The following NLRP5 variants were observed in gnomAD, a reference collection of about 807,000 sequenced individuals.
The protein encoded by NLRP5 is NLR family pyrin domain containing 5, also known as NACHT, LRR and PYD domains-containing protein 5.
NLRP5 carries 93 observed loss-of-function variants against 113.1 expected under a neutral mutation model. The ratio of observed to expected loss-of-function variants is 0.82; its 90% CI spans 0.70 to 0.98. The LOEUF is 0.98. Ranked by LOEUF, NLRP5 falls within the 50% of genes least tolerant of loss-of-function variation. The pLI, the probability that NLRP5 is intolerant of heterozygous loss-of-function variation, is 0.00. For synonymous variants in NLRP5, 751 were observed against 600.7 expected, an observed-to-expected ratio of 1.25 and a Z score of -3.66; for missense variants, 1,808 against 1,514.3, an observed-to-expected ratio of 1.19 and a Z score of -3.22.
intron 7 of NLRP5, among the ~76,000 whole-genome samples, chr19:56,029,447 G>A (rs1418473642): frequency 2.0e-5 from 3 of 151,438 alleles, no homozygotes; most frequent in Non-Finnish European, 2.9e-5. Flanking sequence ...TGTATTTTTA[G>A]TAGAGACAGG....
At chr19:55,994,859 C>T (rs1470699082), upstream of NLRP5, among the ~76,000 whole-genome samples, 2 of 152,118 alleles carry the variant, frequency 1.3e-5, no homozygotes, top group African/African-American at 2.4e-5. Context: ...CCTATGTTTT[C>T]TTCTGGTAGT....
the NLRP5 span, among the ~76,000 whole-genome samples, chr19:55,993,023 A>G: frequency 1.3e-5 from 2 of 151,630 alleles, no homozygotes; most frequent in Non-Finnish European, 2.9e-5. Context: ...CTAATTTTGT[A>G]TTTTTAGTAG....
chr19:56,057,662 A>C (rs1280424902), intron 13 of NLRP5, among the ~76,000 whole-genome samples: 1 of 152,142 alleles, frequency 6.6e-6, no homozygotes, highest in South Asian at 2.1e-4. Flanking sequence ...CCACAACTAT[A>C]ATTTGAGTTA....
Position 56,049,831 on chromosome 19 carries a change from A to G in NLRP5, c.2958-587A>G, listed in dbSNP as rs376799867. 1.4e-4 allele frequency among the ~76,000 whole-genome samples: 21 copies of G among 151,752 alleles called. No homozygotes were observed. In the East Asian group the frequency reaches 4.1e-3, roughly 30 times the overall value. The stretch of plus-strand genomic sequence containing the variant: ...ATTAGCTTAATAACTAAGCTCCTGT[A>G]TTTTTTCAGGAAATTCGAGGATGTC... On this transcript the variant is annotated intron_variant, in intron 11 of 14. Coordinates refer to ENST00000390649, the MANE Select transcript of NLRP5 (RefSeq NM_153447.4).
intron 13 of NLRP5, among the ~76,000 whole-genome samples, chr19:56,057,996 C>A (rs949050291): frequency 2.7e-5 from 4 of 148,640 alleles, no homozygotes; most frequent in African/African-American, 1.0e-4. Context: ...CTACTGCACT[C>A]CAGTCTGGGC....
chr19:56,034,839 T>A (rs1027534638), intron 9 of NLRP5, among the ~76,000 whole-genome samples: 1 of 152,220 alleles, frequency 6.6e-6, no homozygotes, highest in East Asian at 1.9e-4. Context: ...GGTTGGTTGG[T>A]CGGTCCCAGT....
intron 11 of NLRP5, among the ~76,000 whole-genome samples, chr19:56,042,077 C>T (rs1407773190): frequency 6.6e-6 from 1 of 152,182 alleles, no homozygotes; most frequent in East Asian, 1.9e-4. Flanking sequence ...CCACTGGGAG[C>T]AACGTGTGTC....
upstream of NLRP5, among the ~76,000 whole-genome samples, chr19:55,998,368 A>G (rs1981407288): frequency 6.6e-6 from 1 of 151,956 alleles, no homozygotes; most frequent in Non-Finnish European, 1.5e-5. Flanking sequence ...AAAAATATAT[A>G]TGAGGCCAGA....
At chr19:56,018,129 CATACA>C (rs1238639773) in intron 4 of NLRP5, among the ~76,000 whole-genome samples, 1 of 152,180 alleles carries the variant, frequency 6.6e-6, no homozygotes, top group Non-Finnish European at 1.5e-5. Flanking sequence ...TCCACTTTTA[CATACA>C]ATCAATTTTT....
Position 56,027,475 on chromosome 19 carries a change from A to T in NLRP5, c.1242A>T (p.Thr414=), listed in dbSNP as rs781066387. 76 of 1,613,782 alleles carry T rather than the reference A, an allele frequency of 4.7e-5. No homozygotes were observed. The highest frequency in any genetic ancestry group is 6.4e-5 in the Non-Finnish European group (76 of 1,179,846). Residue 414 remains threonine (T), a synonymous_variant, in exon 7 of 15, where the codon ACA becomes ACT. Transcript: ENST00000390649. ...TCGTCACCGTCAGAGACGTGGGCACAGAGAAGCTCAAGTCAGAGGTCGTGT... is the reference window on the plus strand; with the variant it reads ...TCGTCACCGTCAGAGACGTGGGCACTGAGAAGCTCAAGTCAGAGGTCGTGT...
At chr19:56,005,075 C>T (rs1046672829) in intron 2 of NLRP5, among the ~76,000 whole-genome samples, 1 of 127,640 alleles carries the variant, frequency 7.8e-6, no homozygotes, top group African/African-American at 3.1e-5. Context: ...GCCTGGGCAA[C>T]GGAGTGAGAC....
At chr19:56,004,743 C>T (rs2123268573) in intron 2 of NLRP5, among the ~76,000 whole-genome samples, 1 of 152,094 alleles carries the variant, frequency 6.6e-6, no homozygotes, top group South Asian at 2.1e-4. Flanking sequence ...TAGAGAATCT[C>T]TCCAACTGTA....
intron 5 of NLRP5, among the ~76,000 whole-genome samples, chr19:56,020,123 C>G (rs775279212): frequency 6.6e-6 from 1 of 151,864 alleles, no homozygotes; most frequent in South Asian, 2.1e-4. Flanking sequence ...TGAGCCACCA[C>G]GCCCGACCTA....
chr19:56,058,561 C>G (rs756263676), intron 14 of NLRP5, among the ~76,000 whole-genome samples, 151 bp downstream of exon 14: 1 of 152,244 alleles, frequency 6.6e-6, no homozygotes. Flanking sequence ...GTTCTGAGTA[C>G]CATGCTGGAT....
chr19:56,051,732 C>G (rs184231101), intron 12 of NLRP5, among the ~76,000 whole-genome samples: 2 of 152,270 alleles, frequency 1.3e-5, no homozygotes, highest in East Asian at 3.9e-4. Flanking sequence ...ATTTAAAAAT[C>G]TCCTAAAGCT....
At chr19:55,998,708 G>GTATATATATATATATATA (rs1429404937), upstream of NLRP5, among the ~76,000 whole-genome samples, 1 of 59,348 alleles carries the variant, frequency 1.7e-5, no homozygotes. Flanking sequence ...ATATATGTGT[G>GTATATATATATATATATA]TGTGTGTATA....
intron 1 of NLRP5, among the ~76,000 whole-genome samples, chr19:56,003,478 A>T (rs1357641943): frequency 5.9e-5 from 9 of 152,282 alleles, no homozygotes; most frequent in South Asian, 4.1e-4. Flanking sequence ...TGAGTATGAC[A>T]TACTAGCTAA....
rs1416080447 is a variant in NLRP5 at position 56,002,669 on chromosome 19, A to G, written c.63-1047A>G. Among the ~76,000 whole-genome samples, 17 of 145,704 alleles carry G rather than the reference A, an allele frequency of 1.2e-4. 1 individual carries two copies. The South Asian group carries it at 3.6e-3, about 31-fold the overall frequency. On this transcript the variant is annotated intron_variant, in intron 1 of 14. Transcript: ENST00000390649. ...TGTGATGTTCCCCTTCCTGTGTCCA[A>G]GTGTACTCATTGTTCAATTCCCACC...
At position 56,051,408 on chromosome 19, in the gene NLRP5, G is replaced by A. The variant is rs564612902; in HGVS notation, c.3128+820G>A. On this transcript the variant is annotated intron_variant, in intron 12 of 14. Coordinates refer to ENST00000390649, the MANE Select transcript of NLRP5 (RefSeq NM_153447.4). ...GAGTTTCACCATGTCGGCCAGGCTG[G>A]TCTTGAACTCCTGACCTCAGGCAAT... Among the ~76,000 whole-genome samples the A allele has an allele frequency of 4.6e-5, 7 of 152,236 alleles. No individual in the cohort carries two copies. In the South Asian group the frequency reaches 1.5e-3, roughly 32 times the overall value.
Sources: gnomAD v4.1 joint callset for allele counts (sites outside exome capture counted in the v4.1 genomes callset) on GRCh38, gnomAD v4.1.1 for gene constraint, MANE v1.5 for transcripts, NCBI Gene and HGNC (gene_info 2026-07-23, HGNC 2026-07-21) for gene names.